Variants in RGPD4 observed in about 807,000 individuals in gnomAD.
The protein encoded by RGPD4 is RANBP2 like and GRIP domain containing 4.
In RGPD4, 84 loss-of-function variants were observed where a neutral mutation model predicts 141.1. That is an observed-to-expected ratio of 0.60 (90% confidence interval 0.50 to 0.71). The LOEUF (loss-of-function observed/expected upper bound fraction) is 0.71, where lower values mean the gene tolerates loss of function less well. RGPD4 is among the 30% of genes least tolerant of loss of function. RGPD4 has a pLI of 0.00. For missense variants in RGPD4, 918 were observed against 1,622.4 expected, an observed-to-expected ratio of 0.57 and a Z score of 7.46; for synonymous variants, 298 against 566.8, an observed-to-expected ratio of 0.53 and a Z score of 6.74.
chr2:107,884,441 A>T (rs1483895862), intron 22 of RGPD4, among the ~76,000 whole-genome samples: 4 of 150,744 alleles, frequency 2.7e-5, no homozygotes, highest in Non-Finnish European at 5.9e-5. Flanking sequence ...ATATATAAAT[A>T]TATTTTTAAT....
chr2:107,846,361 C>T (rs990848977), intron 6 of RGPD4, among the ~76,000 whole-genome samples: 18 of 151,756 alleles, frequency 1.2e-4, no homozygotes, highest in Middle Eastern at 3.4e-3. Context: ...CCACTGCACC[C>T]GGCCGTATGT....
At chr2:107,832,939 T>G (rs1405953500) in intron 1 of RGPD4, among the ~76,000 whole-genome samples, 1 of 150,806 alleles carries the variant, frequency 6.6e-6, no homozygotes, top group Non-Finnish European at 1.5e-5. Flanking sequence ...GATGTTTACC[T>G]GAAAGCTGGA....
rs755941372 is a variant in RGPD4, at chr2:107,827,070, C to T, written c.57C>T (p.Ala19=). 3.8e-6 allele frequency: 6 copies of T among 1,591,712 alleles called. No homozygotes were observed. The East Asian group carries it at 1.4e-4, about 36-fold the overall frequency. ...ACGTCGCCTCCGTGCAGGGCTCCGCCCCGTCGCCTCGAAAGGTGAGTGGAT... is the reference window on the plus strand; with the variant it reads ...ACGTCGCCTCCGTGCAGGGCTCCGCTCCGTCGCCTCGAAAGGTGAGTGGAT... ...ERYVASVQGS[A]PSPRKKSTRG... Residue 19 remains alanine (A), a synonymous_variant, in exon 1 of 23, where the codon GCC becomes GCT. Transcript: ENST00000408999.
intron 6 of RGPD4, among the ~76,000 whole-genome samples, chr2:107,846,714 C>T (rs532026582): frequency 1.7e-3 from 256 of 148,474 alleles, no homozygotes; most frequent in Non-Finnish European, 2.8e-3. Context: ...GTGATCCACC[C>T]GCCTCAGCCT....
chr2:107,830,034 G>A (rs1349931251), intron 1 of RGPD4, among the ~76,000 whole-genome samples: 1 of 152,030 alleles, frequency 6.6e-6, no homozygotes, highest in African/African-American at 2.4e-5. Context: ...GCCGGACGGC[G>A]CAAATGACAC....
rs2104475837 is a variant in RGPD4, at chr2:107,865,771, T to G, written c.2470-419T>G. Among the ~76,000 whole-genome samples the G allele has an allele frequency of 2.0e-5, 3 of 147,742 alleles. No individual in the cohort carries two copies. The East Asian group carries it at 6.0e-4, about 29-fold the overall frequency. On this transcript the variant is annotated intron_variant, in intron 17 of 22. Transcript: ENST00000408999. ...TAGAACTCATTGGCAAATAGAAACT[T>G]TCAAAAGATATAATCAGGTCCGGGC...
At chr2:107,859,666 T>G (rs1217800857) in intron 11 of RGPD4, 56 bp from the exon 12 acceptor site, 115 of 1,610,966 alleles carry the variant, frequency 7.1e-5, no homozygotes, top group Non-Finnish European at 9.5e-5. Context: ...TATATGTATG[T>G]AAGCGCTGAA....
At chr2:107,878,514 C>T (rs1185549870) in intron 20 of RGPD4, among the ~76,000 whole-genome samples, 1 of 151,678 alleles carries the variant, frequency 6.6e-6, no homozygotes, top group East Asian at 1.9e-4. Flanking sequence ...ATATGTTCTT[C>T]TTTAATTTCA....
rs1381464590 is a variant in RGPD4 at position 107,870,370 on chromosome 2, TG to T, written c.2701-331del. ...TGTGACAGCTTTGAGGATAGAGTGT[TG>T]GGGTGCATTTAGACCCTTGCTCTTC... On this transcript the variant is annotated intron_variant, in intron 19 of 22. Coordinates refer to ENST00000408999, the MANE Select transcript of RGPD4 (RefSeq NM_182588.3). Among the ~76,000 whole-genome samples, 5 of 151,046 alleles carry T rather than the reference TG, an allele frequency of 3.3e-5. No individual in the cohort carries two copies. In the South Asian group the frequency reaches 1.0e-3, roughly 31 times the overall value.
Position 107,827,542 on chromosome 2 carries a change from G to C in RGPD4, c.72+457G>C, listed in dbSNP as rs1270079888. 7.2e-4 allele frequency among the ~76,000 whole-genome samples: 30 copies of C among 41,422 alleles called. 2 individuals are homozygous for C. The highest frequency in any genetic ancestry group is 1.1e-3 in the Admixed American group (6 of 5,492). The allele number at this position is 41,422 out of a possible 152,430, so 27.2% of individuals were successfully genotyped here. ...CGGCCTCGATGGCTCAGGCGTCATG[G>C]CTCCCGACGGGCGCTGCTCCCTGGC... On this transcript the variant is annotated intron_variant, in intron 1 of 22. Coordinates refer to ENST00000408999, the MANE Select transcript of RGPD4 (RefSeq NM_182588.3).
intron 22 of RGPD4, among the ~76,000 whole-genome samples, chr2:107,884,708 T>C (rs1216363165): frequency 7.0e-6 from 1 of 142,870 alleles, no homozygotes. Context: ...CTTTAACATG[T>C]TCCCCATCCC....
At position 107,871,914 on chromosome 2, in the gene RGPD4, A is replaced by G. The variant is rs1241089112; in HGVS notation, c.3910A>G (p.Lys1304Glu). Residue 1304 changes from lysine (K) to glutamate (E), a missense_variant, in exon 20 of 23, where the codon AAG becomes GAG. Coordinates refer to ENST00000408999, the MANE Select transcript of RGPD4 (RefSeq NM_182588.3). ...TTTTAAATCTGCTTTGAGTCCATCT[A>G]AGTCTCCTGCCAAGTTGAATCAGAG... Reference protein sequence around the residue: ...FSFKSALSPSKSPAKLNQSGT... With the variant: ...FSFKSALSPSESPAKLNQSGT... 9.3e-6 allele frequency: 15 copies of G among 1,611,466 alleles called. No individual in the cohort carries two copies. The highest frequency in any genetic ancestry group is 1.1e-5 in the Non-Finnish European group (13 of 1,179,872).
chr2:107,885,717 G>A (rs988066943), intron 22 of RGPD4, among the ~76,000 whole-genome samples: 16 of 152,036 alleles, frequency 1.1e-4, no homozygotes, highest in African/African-American at 2.2e-4. Context: ...AAACAATGAT[G>A]GTTTAGCAGC....
chr2:107,829,861 G>A (rs997162638), intron 1 of RGPD4, among the ~76,000 whole-genome samples: 1 of 151,954 alleles, frequency 6.6e-6, no homozygotes, highest in East Asian at 1.9e-4. Flanking sequence ...GTGCTGTATC[G>A]GCGGGTTTCT....
Position 107,882,821 on chromosome 2 carries a change from G to T in RGPD4, c.5214G>T (p.Thr1738=). ...ERERLLPVIN[T]MLQLSPEEKG... ...AGAGACTTCTTCCTGTTATAAATAC[G>T]ATGTTGCAGCTCAGCCCTGAAGAAA... Residue 1738 remains threonine (T), a synonymous_variant, in exon 22 of 23, where the codon ACG becomes ACT. Coordinates refer to ENST00000408999, the MANE Select transcript of RGPD4 (RefSeq NM_182588.3). 3 of 1,610,844 alleles carry T rather than the reference G, an allele frequency of 1.9e-6. No homozygotes were observed. Among genetic ancestry groups the T allele is most frequent in the Middle Eastern group, 2.3e-4 (1 of 4,428 alleles).
intron 7 of RGPD4, among the ~76,000 whole-genome samples, chr2:107,852,353 G>C (rs1682147309): frequency 1.3e-5 from 2 of 151,756 alleles, no homozygotes; most frequent in African/African-American, 2.4e-5. Context: ...TTTTGTAAAA[G>C]AGGCCGGGTT....
intron 9 of RGPD4, among the ~76,000 whole-genome samples, chr2:107,857,297 C>T (rs897554183): frequency 5.9e-5 from 9 of 151,594 alleles, no homozygotes; most frequent in Admixed American, 2.0e-4. Flanking sequence ...CCACCATGCC[C>T]GGCTAATTTT....
chr2:107,888,575 T>G (rs1675571337), intron 22 of RGPD4, among the ~76,000 whole-genome samples: 1 of 151,846 alleles, frequency 6.6e-6, no homozygotes, highest in South Asian at 2.1e-4. Flanking sequence ...CCTCCAGAAA[T>G]TCATGCCTTT....
intron 20 of RGPD4, among the ~76,000 whole-genome samples, chr2:107,877,896 C>A (rs184859009): frequency 6.6e-6 from 1 of 151,730 alleles, no homozygotes; most frequent in Admixed American, 6.6e-5. Context: ...TCACTACAAC[C>A]TCCGCCTCCT....
Sources: allele counts gnomAD v4.1 joint callset (sites outside exome capture counted in the v4.1 genomes callset), GRCh38; gene constraint gnomAD v4.1.1; transcripts MANE v1.5; gene names NCBI Gene and HGNC (gene_info 2026-07-23, HGNC 2026-07-21).